The following RABGAP1L variants were observed in gnomAD, a reference collection of about 807,000 sequenced individuals.
The protein encoded by RABGAP1L is RAB GTPase activating protein 1 like, also known as rab GTPase-activating protein 1-like.
RABGAP1L carries 63 observed loss-of-function variants against 137.7 expected under a neutral mutation model. The observed-to-expected ratio is 0.46, with a 90% CI of 0.37 to 0.56. The LOEUF is 0.56. Among genes scored for constraint, RABGAP1L ranks in the 20% least tolerant of loss-of-function variants. RABGAP1L has a pLI of 0.00. For synonymous variants in RABGAP1L, 431 were observed against 433.7 expected, an observed-to-expected ratio of 0.99 and a Z score of 0.08; for missense variants, 1,095 against 1,244.0, an observed-to-expected ratio of 0.88 and a Z score of 1.80.
rs1419319144 is a variant in RABGAP1L at position 174,361,311 on chromosome 1, C to A, written c.1466-9668C>A. 2.3e-5 allele frequency among the ~76,000 whole-genome samples: 3 copies of A among 131,940 alleles called. No homozygotes were observed. The East Asian group carries it at 6.6e-4, about 29-fold the overall frequency. 86.6% of individuals were successfully genotyped at this position (131,940 alleles called of 152,430 possible). A position where few individuals can be genotyped will look rare whatever the true frequency, so the allele number is the denominator to read the frequency against. On this transcript the variant is annotated intron_variant, in intron 11 of 25. Transcript: ENST00000681986. Reference sequence around the variant, plus strand: ...AAATTTTAACATGTTTTTTCTATTTCTGTGAAGAATGTCATTGGTATTTTG... The same window carrying A: ...AAATTTTAACATGTTTTTTCTATTTATGTGAAGAATGTCATTGGTATTTTG...
intron 13 of RABGAP1L, among the ~76,000 whole-genome samples, chr1:174,587,712 T>C (rs1305069015): frequency 6.6e-6 from 1 of 152,128 alleles, no homozygotes; most frequent in Non-Finnish European, 1.5e-5. Context: ...AATGAGTACA[T>C]AGTAGGTATA....
At chr1:174,683,371 T>G (rs1678230031) in intron 14 of RABGAP1L, 151 bp from the exon 15 acceptor site, 3 of 561,256 alleles carry the variant, frequency 5.3e-6, no homozygotes, top group Non-Finnish European at 9.5e-6. Flanking sequence ...GATCTCACTG[T>G]GCTAGTGGTA....
chr1:174,430,894 C>G (rs1652553795), intron 13 of RABGAP1L, among the ~76,000 whole-genome samples: 2 of 152,120 alleles, frequency 1.3e-5, no homozygotes, highest in South Asian at 4.1e-4. Flanking sequence ...CTTTTGAAAA[C>G]TGAGTCATAG....
chr1:174,547,778 A>G lies in RABGAP1L; in HGVS notation c.1711-89597A>G. The G allele has an allele frequency of 3.7e-6, 5 of 1,359,800 alleles. No homozygotes were observed. In the South Asian group the frequency reaches 3.9e-5, roughly 11 times the overall value. The allele number at this position is 1,359,800 out of a possible 1,614,324, so 84.2% of individuals were successfully genotyped here. A position where few individuals can be genotyped will look rare whatever the true frequency, so the allele number is the denominator to read the frequency against. On this transcript the variant is annotated intron_variant, in intron 13 of 25. Coordinates refer to ENST00000681986, the MANE Select transcript of RABGAP1L (RefSeq NM_001366446.1). ...TTGTATTTAAATTGACGTTAGATGC[A>G]TCAGTTTATTACCTATTACATAGTA... is the stretch of plus-strand genomic sequence containing the variant.
At chr1:174,615,945 G>C (rs953951556) in intron 13 of RABGAP1L, among the ~76,000 whole-genome samples, 1 of 152,186 alleles carries the variant, frequency 6.6e-6, no homozygotes, top group African/African-American at 2.4e-5. Flanking sequence ...TGCAGTATTC[G>C]GGTGGGAGTT....
At chr1:174,520,915 C>T (rs1270066210) in intron 13 of RABGAP1L, among the ~76,000 whole-genome samples, 3 of 152,118 alleles carry the variant, frequency 2.0e-5, no homozygotes, top group Admixed American at 6.5e-5. Flanking sequence ...GCAGGAGAAT[C>T]GCTTGAACCC....
rs568056956 is a variant in RABGAP1L at position 174,912,100 on chromosome 1, T to A, written c.2341-45357T>A. 2.6e-5 allele frequency among the ~76,000 whole-genome samples: 4 copies of A among 151,804 alleles called. No individual in the cohort carries two copies. The South Asian group carries it at 8.3e-4, about 32-fold the overall frequency. On this transcript the variant is annotated intron_variant, in intron 19 of 25. Coordinates refer to ENST00000681986, the MANE Select transcript of RABGAP1L (RefSeq NM_001366446.1). The stretch of plus-strand genomic sequence containing the variant: ...ATCACAAGAAATAGCAGAAAAAAAA[T>A]ATATAGTCTTTGATTTCATTAAATT...
chr1:174,877,415 G>A (rs1205931181), intron 19 of RABGAP1L: 2 of 1,590,462 alleles, frequency 1.3e-6, no homozygotes, highest in Non-Finnish European at 1.7e-6. Context: ...CTGGCACTGA[G>A]CTGCAGTAGG....
At chr1:174,967,235 T>C (rs971852629) in intron 20 of RABGAP1L, among the ~76,000 whole-genome samples, 4 of 151,472 alleles carry the variant, frequency 2.6e-5, no homozygotes, top group African/African-American at 9.7e-5. Context: ...ATGATCATAG[T>C]TCACTGCAGC....
intron 24 of RABGAP1L, among the ~76,000 whole-genome samples, chr1:174,984,853 T>C (rs1233554846): frequency 6.6e-6 from 1 of 152,172 alleles, no homozygotes; most frequent in Non-Finnish European, 1.5e-5. Context: ...TTTATGGAGA[T>C]TGGACTAAAG....
intron 17 of RABGAP1L, among the ~76,000 whole-genome samples, chr1:174,712,102 C>T (rs936592416): frequency 4.6e-5 from 7 of 152,138 alleles, no homozygotes; most frequent in African/African-American, 2.4e-5. Context: ...CCTGTCAAAA[C>T]GGACCAATCG....
intron 13 of RABGAP1L, among the ~76,000 whole-genome samples, chr1:174,538,890 T>C (rs916837305): frequency 2.0e-5 from 3 of 152,310 alleles, no homozygotes; most frequent in Admixed American, 6.5e-5. Context: ...TAGTAGGCTA[T>C]GGTAAATTTG....
intron 13 of RABGAP1L, among the ~76,000 whole-genome samples, chr1:174,423,341 C>T (rs970513451): frequency 3.3e-5 from 5 of 152,022 alleles, no homozygotes; most frequent in Non-Finnish European, 7.4e-5. Flanking sequence ...CATCTGATGT[C>T]GTAGGAAGCA....
In RABGAP1L at chr1:174,328,011, A is replaced by ATATATATATATG. The variant is rs1558136495; in HGVS notation, c.1465+22895_1465+22896insGTATATATATAT. 2.1e-4 allele frequency among the ~76,000 whole-genome samples: 28 copies of ATATATATATATG among 134,862 alleles called. 1 individual carries two copies. Among genetic ancestry groups the ATATATATATATG allele is most frequent in the African/African-American group, 8.1e-4 (27 of 33,312 alleles). 88.5% of individuals were successfully genotyped at this position (134,862 alleles called of 152,430 possible). A position where few individuals can be genotyped will look rare whatever the true frequency, so the allele number is the denominator to read the frequency against. On this transcript the variant is annotated intron_variant, in intron 11 of 25. Transcript: ENST00000681986. ...CATATATATATATATATATATATAT[A>ATATATATATATG]TATATATATATATACCCAACATCAG...
chr1:174,836,460 ATC>A (rs2148930279), intron 19 of RABGAP1L, among the ~76,000 whole-genome samples: 1 of 152,312 alleles, frequency 6.6e-6, no homozygotes, highest in East Asian at 1.9e-4. Context: ...GACAATCTTG[ATC>A]TCTCTCTTCT....
At chr1:174,605,522 C>A (rs1032634506) in intron 13 of RABGAP1L, among the ~76,000 whole-genome samples, 1 of 151,604 alleles carries the variant, frequency 6.6e-6, no homozygotes, top group Non-Finnish European at 1.5e-5. Flanking sequence ...TTTTTAATCT[C>A]CTATTACAAT....
chr1:174,427,616 TAG>T (rs1652117073), intron 13 of RABGAP1L, among the ~76,000 whole-genome samples: 1 of 152,142 alleles, frequency 6.6e-6, no homozygotes, highest in Non-Finnish European at 1.5e-5. Flanking sequence ...TTCCCCTAGA[TAG>T]AATGATGAGA....
chr1:174,978,937 T>G, intron 23 of RABGAP1L, 47 bp downstream of exon 23: 1 of 1,447,736 alleles, frequency 6.9e-7, no homozygotes, highest in Non-Finnish European at 9.1e-7. Flanking sequence ...TTTGCTGCTA[T>G]AAAAGTAATT....
intron 1 of RABGAP1L, among the ~76,000 whole-genome samples, chr1:174,165,794 C>T (rs1044353913): frequency 3.3e-5 from 5 of 152,160 alleles, no homozygotes; most frequent in Admixed American, 6.5e-5. Flanking sequence ...CCACCACGCC[C>T]GGCCCCTGAA....
Sources: allele counts gnomAD v4.1 joint callset (sites outside exome capture counted in the v4.1 genomes callset), GRCh38; gene constraint gnomAD v4.1.1; transcripts MANE v1.5; gene names NCBI Gene and HGNC (gene_info 2026-07-23, HGNC 2026-07-21).